The following NAALADL2 variants were observed in gnomAD, a reference collection of about 807,000 sequenced individuals.
The protein encoded by NAALADL2 is N-acetylated alpha-linked acidic dipeptidase like 2.
NAALADL2 carries 76 observed loss-of-function variants against 87.2 expected under a neutral mutation model. That is an observed-to-expected ratio of 0.87 (90% CI 0.72 to 1.05). The LOEUF (loss-of-function observed/expected upper bound fraction) is 1.05. Among genes scored for constraint, NAALADL2 ranks in the 50% least tolerant of loss-of-function variants. The pLI is 0.00. For missense variants in NAALADL2, 1,089 were observed against 945.8 expected (o/e 1.15, Z -1.99); for synonymous variants, 354 against 331.0 (o/e 1.07, Z -0.75).
intron 2 of NAALADL2, among the ~76,000 whole-genome samples, chr3:174,564,047 A>G (rs991164357): frequency 6.6e-6 from 1 of 152,174 alleles, no homozygotes; most frequent in Non-Finnish European, 1.5e-5. Flanking sequence ...TCAGATAGCA[A>G]GGCAAAGATG....
intron 2 of NAALADL2, among the ~76,000 whole-genome samples, chr3:175,110,517 T>C (rs1291900395): frequency 1.3e-5 from 2 of 151,802 alleles, no homozygotes; most frequent in Non-Finnish European, 2.9e-5. Flanking sequence ...TGACAACTTA[T>C]GGCCAAAGAG....
At chr3:175,425,053 A>G (rs1361951270) in intron 5 of NAALADL2, among the ~76,000 whole-genome samples, 2 of 152,180 alleles carry the variant, frequency 1.3e-5, no homozygotes, top group Admixed American at 6.6e-5. Context: ...AGTAAAATCT[A>G]TTGAACTTGG....
At chr3:174,797,254 T>C (rs1242662949) in intron 3 of NAALADL2, among the ~76,000 whole-genome samples, 3 of 151,522 alleles carry the variant, frequency 2.0e-5, no homozygotes, top group Non-Finnish European at 4.4e-5. Context: ...CAGTAGGCTC[T>C]AAGTATGTGA....
chr3:175,716,778 A>G (rs1561025716), intron 11 of NAALADL2, among the ~76,000 whole-genome samples: 1 of 152,172 alleles, frequency 6.6e-6, no homozygotes, highest in African/African-American at 2.4e-5. Flanking sequence ...CTAAGTTTCA[A>G]AAACAGATAA....
chr3:175,082,123 A>G (rs912374911), intron 1 of NAALADL2, among the ~76,000 whole-genome samples: 3 of 152,182 alleles, frequency 2.0e-5, no homozygotes, highest in Non-Finnish European at 2.9e-5. Context: ...TTTCTGGCCT[A>G]AAGTCACACT....
chr3:175,792,239 T>C (rs1160272582), intron 13 of NAALADL2, among the ~76,000 whole-genome samples: 3 of 152,188 alleles, frequency 2.0e-5, no homozygotes, highest in African/African-American at 7.2e-5. Context: ...TTTAAAGCAT[T>C]AATTTTTGTC....
chr3:175,739,605 T>A (rs1463915585), intron 12 of NAALADL2, among the ~76,000 whole-genome samples: 1 of 152,144 alleles, frequency 6.6e-6, no homozygotes, highest in Non-Finnish European at 1.5e-5. Flanking sequence ...TTGCATGTAA[T>A]CCCCATGGAC....
At chr3:174,663,558 ACT>A (rs1383419999) in intron 2 of NAALADL2, among the ~76,000 whole-genome samples, 1 of 151,842 alleles carries the variant, frequency 6.6e-6, no homozygotes, top group African/African-American at 2.4e-5. Flanking sequence ...GAGGTCCAAA[ACT>A]CTTTAACAAT....
chr3:174,648,865 A>ATG (rs1350436218), intron 2 of NAALADL2, among the ~76,000 whole-genome samples: 1 of 152,146 alleles, frequency 6.6e-6, no homozygotes, highest in Non-Finnish European at 1.5e-5. Context: ...ATGTGTCAAT[A>ATG]TGTATACATA....
chr3:175,192,085 A>C (rs1476833818), intron 2 of NAALADL2, among the ~76,000 whole-genome samples: 1 of 152,090 alleles, frequency 6.6e-6, no homozygotes, highest in Non-Finnish European at 1.5e-5. Context: ...GCATGTTTTA[A>C]TTTCCCTTTT....
At chr3:174,631,524 G>A (rs910238914) in intron 2 of NAALADL2, among the ~76,000 whole-genome samples, 1 of 152,078 alleles carries the variant, frequency 6.6e-6, no homozygotes, top group East Asian at 1.9e-4. Context: ...TCTCATTATT[G>A]TTTGAAAGCA....
intron 3 of NAALADL2, among the ~76,000 whole-genome samples, chr3:174,772,771 A>AAC (rs1714740737): frequency 6.6e-6 from 1 of 152,196 alleles, no homozygotes; most frequent in Non-Finnish European, 1.5e-5. Context: ...ACAAGAGAGG[A>AAC]ACCCATGAAA....
chr3:174,570,554 C>T (rs573351291), intron 2 of NAALADL2, among the ~76,000 whole-genome samples: 99 of 152,180 alleles, frequency 6.5e-4, no homozygotes, highest in Non-Finnish European at 1.1e-3. Flanking sequence ...CAATCTAAGG[C>T]GCGCTAGGGG....
intron 3 of NAALADL2, among the ~76,000 whole-genome samples, chr3:174,840,114 A>G (rs1307939856): frequency 1.3e-5 from 2 of 151,750 alleles, no homozygotes; most frequent in African/African-American, 2.4e-5. Flanking sequence ...ATGCCCATCA[A>G]TCAACGAGTG....
chr3:175,663,170 T>TATTTG (rs1732499192), intron 11 of NAALADL2, among the ~76,000 whole-genome samples: 1 of 151,570 alleles, frequency 6.6e-6, no homozygotes, highest in African/African-American at 2.4e-5. Context: ...TATTTTATTT[T>TATTTG]ATTTTAATTT....
At chr3:174,640,638 G>A (rs557502635) in intron 2 of NAALADL2, among the ~76,000 whole-genome samples, 1 of 152,324 alleles carries the variant, frequency 6.6e-6, no homozygotes, top group East Asian at 1.9e-4. Flanking sequence ...GGAAGGCTTG[G>A]ATAGAGCCAA....
At chr3:174,819,391 TC>T (rs200916834) in intron 3 of NAALADL2, among the ~76,000 whole-genome samples, 1 of 10,204 alleles carries the variant, frequency 9.8e-5, no homozygotes, top group Non-Finnish European at 1.6e-4. Context: ...ATATTTACTT[TC>T]TTTTTTTTCA....
intron 1 of NAALADL2, among the ~76,000 whole-genome samples, chr3:175,057,728 C>A (rs763082663): frequency 1.2e-4 from 18 of 152,210 alleles, no homozygotes; most frequent in Non-Finnish European, 2.2e-4. Context: ...CCTGCTTATA[C>A]TCATATGAGA....
intron 2 of NAALADL2, among the ~76,000 whole-genome samples, chr3:174,718,657 C>T (rs374697439): frequency 5.3e-5 from 8 of 152,188 alleles, no homozygotes; most frequent in Admixed American, 2.6e-4. Flanking sequence ...GATTAAGCAA[C>T]TTACCTAAGT....
Sources: allele counts gnomAD v4.1 joint callset (sites outside exome capture counted in the v4.1 genomes callset), GRCh38; gene constraint gnomAD v4.1.1; transcripts MANE v1.5; gene names NCBI Gene and HGNC (gene_info 2026-07-23, HGNC 2026-07-21).